Variants in ZBTB40 observed in about 807,000 individuals in gnomAD.
ZBTB40 encodes the protein zinc finger and BTB domain-containing protein 40.
ZBTB40 carries 60 observed loss-of-function variants against 117.5 expected under a neutral mutation model. The observed-to-expected ratio is 0.51, with a 90% CI of 0.41 to 0.63. The LOEUF is 0.63. Ranked by LOEUF, ZBTB40 falls within the 30% of genes least tolerant of loss-of-function variation. ZBTB40 has a pLI of 0.00. For missense variants in ZBTB40, 1,287 were observed against 1,498.5 expected (o/e 0.86, Z 2.33); for synonymous variants, 525 against 577.1 (o/e 0.91, Z 1.29).
At chr1:22,442,562 T>C (rs923408430) in intron 1 of ZBTB40, among the ~76,000 whole-genome samples, 1 of 152,168 alleles carries the variant, frequency 6.6e-6, no homozygotes, top group Non-Finnish European at 1.5e-5. Context: ...GCTTACAATA[T>C]AGGAATTTAT....
chr1:22,519,724 C>T, intron 13 of ZBTB40: 1 of 365,136 alleles, frequency 2.7e-6, no homozygotes, highest in Non-Finnish European at 5.3e-6. Context: ...ATGCCCACTG[C>T]AAACCGGACG....
At chr1:22,516,544 A>G (rs970911509) in intron 12 of ZBTB40, among the ~76,000 whole-genome samples, 1 of 152,048 alleles carries the variant, frequency 6.6e-6, no homozygotes, top group Admixed American at 6.5e-5. Flanking sequence ...CATTCAAGGA[A>G]CCCTTTTTTT....
intron 13 of ZBTB40, among the ~76,000 whole-genome samples, chr1:22,518,846 G>A (rs1205605334): frequency 2.6e-5 from 4 of 152,190 alleles, no homozygotes; most frequent in South Asian, 4.1e-4. Flanking sequence ...CCTCTTTAAT[G>A]ACATTCTGCT....
chr1:22,519,421 C>T (rs1639462304), intron 13 of ZBTB40, among the ~76,000 whole-genome samples: 1 of 152,122 alleles, frequency 6.6e-6, no homozygotes, highest in Non-Finnish European at 1.5e-5. Flanking sequence ...TTAATTATGC[C>T]CATGGGCAAG....
chr1:22,508,556 C>G lies in ZBTB40; in HGVS notation c.1524C>G (p.Asp508Glu). The part of the protein sequence containing the change: ...REVMEKLVKR[D>E]SGSGGFNSLI... ...TCATGGAGAAGCTTGTGAAACGTGA[C>G]TCTGGTTCAGGTGGTTTCAATTCTC... Residue 508 changes from aspartate to glutamate, a missense_variant, in exon 8 of 18, where the codon GAC becomes GAG. Physicochemically the swap from Asp to Glu is conservative, Grantham distance 45. This residue lies in a region of ZBTB40 where 870 missense variants were observed against 934.4 expected (regional missense o/e 0.93). Coordinates refer to ENST00000375647, the MANE Select transcript of ZBTB40 (RefSeq NM_014870.4). The G allele has an allele frequency of 6.2e-7, 1 of 1,614,204 alleles. No homozygotes were observed. Among genetic ancestry groups the G allele is most frequent in the Admixed American group, 1.7e-5 (1 of 60,028 alleles).
chr1:22,433,455 AAAG>A (rs1640627639), intron 1 of ZBTB40, among the ~76,000 whole-genome samples: 7 of 140,864 alleles, frequency 5.0e-5, no homozygotes, highest in East Asian at 4.2e-4. Flanking sequence ...AAAAAAAAAA[AAAG>A]ACAGCTAAAA....
chr1:22,487,443 C>G (rs1286781676), intron 1 of ZBTB40, among the ~76,000 whole-genome samples: 1 of 152,248 alleles, frequency 6.6e-6, no homozygotes, highest in African/African-American at 2.4e-5. Context: ...ATAAGATCCT[C>G]AAACCCAAAA....
chr1:22,511,792 G>A lies in ZBTB40; in HGVS notation c.2119G>A (p.Glu707Lys), dbSNP rs778082182. ...AGCCAAAGAAGACAGCCAGCCTGGG[G>A]AACAGAATGATCAAGGAGAGACTGG... ...KAAKEDSQPGEQNDQGETGSL... is the reference protein window; with the variant it reads ...KAAKEDSQPGKQNDQGETGSL... The change falls in exon 11 of 18, where the codon GAA becomes AAA. Residue 707 changes from glutamate to lysine, a missense_variant. This residue lies in a region of ZBTB40 where 870 missense variants were observed against 934.4 expected (regional missense o/e 0.93). Coordinates refer to ENST00000375647, the MANE Select transcript of ZBTB40 (RefSeq NM_014870.4). 4.3e-6 allele frequency: 7 copies of A among 1,613,136 alleles called. No individual in the cohort carries two copies. The highest frequency in any genetic ancestry group is 4.0e-5 in the African/African-American group (3 of 74,772).
At chr1:22,487,918 C>G (rs979281102) in intron 1 of ZBTB40, among the ~76,000 whole-genome samples, 1 of 152,144 alleles carries the variant, frequency 6.6e-6, no homozygotes, top group Non-Finnish European at 1.5e-5. Context: ...ACTCCTATTC[C>G]CTGCTTTATG....
At chr1:22,484,546 A>G (rs1638413875) in intron 1 of ZBTB40, among the ~76,000 whole-genome samples, 1 of 152,100 alleles carries the variant, frequency 6.6e-6, no homozygotes, top group Non-Finnish European at 1.5e-5. Context: ...GTTTTTTGTC[A>G]TTTCTCTTTA....
intron 5 of ZBTB40, among the ~76,000 whole-genome samples, chr1:22,502,679 G>A (rs1287383000): frequency 1.3e-5 from 2 of 152,080 alleles, no homozygotes; most frequent in African/African-American, 4.8e-5. Context: ...GTGTGGGTGG[G>A]TGGATGGATG....
At chr1:22,453,007 T>C (rs537212720) in intron 1 of ZBTB40, 3 of 152,234 alleles carry the variant, frequency 2.0e-5, no homozygotes, top group Non-Finnish European at 4.4e-5. Context: ...GGTTAATATA[T>C]GTATAGGTGT....
At chr1:22,429,564 A>G (rs1023998122) in intron 1 of ZBTB40, among the ~76,000 whole-genome samples, 2 of 151,964 alleles carry the variant, frequency 1.3e-5, no homozygotes, top group Admixed American at 6.6e-5. Flanking sequence ...TAAGTAATTC[A>G]TTTTTCTTCC....
chr1:22,447,975 T>C (rs908774475), upstream of ZBTB40, among the ~76,000 whole-genome samples: 3 of 152,200 alleles, frequency 2.0e-5, no homozygotes, highest in Admixed American at 1.3e-4. Context: ...TCCAGCAAAC[T>C]TCACTTCCAC....
intron 1 of ZBTB40, among the ~76,000 whole-genome samples, chr1:22,479,743 ATCT>A (rs1287369844): frequency 6.6e-6 from 1 of 152,090 alleles, no homozygotes; most frequent in African/African-American, 2.4e-5. Context: ...TCTCTCATTT[ATCT>A]TCTATGTCCC....
At chr1:22,517,636 A>C in intron 13 of ZBTB40, 172 bp downstream of exon 13, 20 of 761,338 alleles carry the variant, frequency 2.6e-5, no homozygotes, top group Non-Finnish European at 3.9e-5. Flanking sequence ...GAAGAATCTC[A>C]TTTTAAGGTA....
At chr1:22,440,678 T>TA (rs1027677169) in intron 1 of ZBTB40, among the ~76,000 whole-genome samples, 2 of 152,034 alleles carry the variant, frequency 1.3e-5, no homozygotes, top group African/African-American at 4.8e-5. Context: ...GTTTTTTTTT[T>TA]AATCATGAAA....
chr1:22,520,971 C>G (rs1018080597), intron 14 of ZBTB40, among the ~76,000 whole-genome samples: 6 of 152,214 alleles, frequency 3.9e-5, no homozygotes, highest in Admixed American at 3.9e-4. Context: ...GAAAGTATTC[C>G]CAGTGCTGCT....
rs1639770172 is a variant in ZBTB40 at position 22,529,383 on chromosome 1, C to T, written c.*2987C>T. On this transcript the variant is annotated 3_prime_UTR_variant, in exon 18 of 18. Coordinates refer to ENST00000375647, the MANE Select transcript of ZBTB40 (RefSeq NM_014870.4). ...GGATCTGTTCGGTGGGTCCCCAGAC[C>T]TCTGCTCCCAGAGCTCATGGCCCAG... 6.6e-6 allele frequency: 1 copy of T among 152,324 alleles called. No homozygotes were observed. The highest frequency in any genetic ancestry group is 6.5e-5 in the Admixed American group (1 of 15,272). The allele number at this position is 152,324 out of a possible 1,614,324, so 9.4% of individuals were successfully genotyped here.
Sources: allele counts gnomAD v4.1 joint callset (sites outside exome capture counted in the v4.1 genomes callset), GRCh38; gene constraint gnomAD v4.1.1; regional missense constraint gnomAD v4.1.1; transcripts MANE v1.5; gene names NCBI Gene and HGNC (gene_info 2026-07-23, HGNC 2026-07-21).